MYH11: variants seen among roughly 807,000 people sequenced by gnomAD.
MYH11 encodes the protein myosin heavy chain 11.
MYH11 carries 80 observed loss-of-function variants against 246.6 expected under a neutral mutation model. The ratio of observed to expected loss-of-function variants is 0.32; its 90% CI spans 0.27 to 0.39. MYH11 has a LOEUF of 0.39. Among genes scored for constraint, MYH11 ranks in the 10% least tolerant of loss-of-function variants. The pLI is 1.00. For synonymous variants in MYH11, 1,071 were observed against 1,015.5 expected (o/e 1.05, Z -1.04); for missense variants, 2,158 against 2,546.8 (o/e 0.85, Z 3.29).
At chr16:15,846,054 A>T (rs1423816873) in intron 1 of MYH11, among the ~76,000 whole-genome samples, 1 of 152,100 alleles carries the variant, frequency 6.6e-6, no homozygotes. Context: ...AGCCGACATC[A>T]TACCACTACA....
intron 1 of MYH11, among the ~76,000 whole-genome samples, chr16:15,844,206 A>G (rs1218325075): frequency 6.6e-6 from 1 of 152,134 alleles, no homozygotes; most frequent in African/African-American, 2.4e-5. Flanking sequence ...ACAATGCAGT[A>G]AACTCCCAAA....
intron 5 of MYH11, 68 bp from the exon 6 acceptor site, chr16:15,782,545 A>T (rs964687236): frequency 2.3e-6 from 3 of 1,286,110 alleles, no homozygotes; most frequent in Non-Finnish European, 3.4e-6. Flanking sequence ...CCTTGGATGG[A>T]TGTTGTCACA....
At chr16:15,808,483 C>T (rs747298790) in intron 3 of MYH11, among the ~76,000 whole-genome samples, 2 of 152,206 alleles carry the variant, frequency 1.3e-5, no homozygotes, top group Non-Finnish European at 1.5e-5. Context: ...TTCATCTCCC[C>T]ACTCTACTCT....
chr16:15,837,051 C>G (rs2043916892), intron 2 of MYH11, among the ~76,000 whole-genome samples: 1 of 152,150 alleles, frequency 6.6e-6, no homozygotes, highest in Non-Finnish European at 1.5e-5. Context: ...TAATTTAAAT[C>G]TAAATTTAGT....
intron 5 of MYH11, among the ~76,000 whole-genome samples, chr16:15,784,326 G>A (rs1382740006): frequency 6.6e-6 from 1 of 152,148 alleles, no homozygotes; most frequent in Non-Finnish European, 1.5e-5. Context: ...GGGCCTGACA[G>A]TCCTAAAACA....
intron 13 of MYH11, 25 bp downstream of exon 13, chr16:15,757,802 C>A (rs1349157454): frequency 6.2e-7 from 1 of 1,614,016 alleles, no homozygotes; most frequent in African/African-American, 1.3e-5. Flanking sequence ...TGTGACGGAG[C>A]CCCGCACGCC....
At chr16:15,743,401 C>T (rs1353552251) in intron 20 of MYH11, among the ~76,000 whole-genome samples, 2 of 152,082 alleles carry the variant, frequency 1.3e-5, no homozygotes, top group Non-Finnish European at 2.9e-5. Context: ...ACTCGTGAAC[C>T]CAGGTGATCC....
rs2041095451 is a variant in MYH11, at chr16:15,735,611, C to T, written c.3294-33G>A. 1.9e-6 allele frequency: 3 copies of T among 1,612,430 alleles called. No individual in the cohort carries two copies. The East Asian group carries it at 6.7e-5, about 36-fold the overall frequency. ...GGAGAGACCCAGCAGAATGAACCCC[C>T]AGGTCCCTTGGTTTCCTCTCTTACA... On this transcript the variant is annotated intron_variant, in intron 25 of 40. Coordinates refer to ENST00000300036, the MANE Select transcript of MYH11 (RefSeq NM_002474.3).
intron 37 of MYH11, 98 bp downstream of exon 37, chr16:15,718,217 T>A: frequency 6.3e-7 from 1 of 1,586,440 alleles, no homozygotes; most frequent in Non-Finnish European, 8.5e-7. Context: ...ATCCAGGGCC[T>A]GCACACAGGA....
chr16:15,714,583 T>A (rs1320221652), intron 40 of MYH11: 1 of 484,450 alleles, frequency 2.1e-6, no homozygotes, highest in African/African-American at 1.9e-5. Context: ...ATGGATGTCG[T>A]GAAGACTCAG....
At position 15,750,054 on chromosome 16, in the gene MYH11, G is replaced by A. The variant is rs755901497; in HGVS notation, c.2058+84C>T. 2.1e-5 allele frequency: 32 copies of A among 1,549,776 alleles called. No individual in the cohort carries two copies. The highest frequency in any genetic ancestry group is 2.7e-5 in the Non-Finnish European group (30 of 1,129,904). ...AAATGGGGTCCTCGGGGTAGGTGGG[G>A]GCAGAGGGCGCCCTGGGGACGCTGT... On this transcript the variant is annotated intron_variant, in intron 16 of 40. Coordinates refer to ENST00000300036, the MANE Select transcript of MYH11 (RefSeq NM_002474.3). The surrounding 1 kb of genome is among the most constrained non-coding windows in gnomAD (Gnocchi z 4.3).
At chr16:15,718,574 A>G in intron 36 of MYH11, 136 bp from the exon 37 acceptor site, 1 of 1,303,766 alleles carries the variant, frequency 7.7e-7, no homozygotes, top group South Asian at 1.5e-5. Flanking sequence ...AGATTAGAAG[A>G]CTCATCTGTA....
At chr16:15,769,551 C>T (rs2042053398) in intron 9 of MYH11, among the ~76,000 whole-genome samples, 1 of 152,174 alleles carries the variant, frequency 6.6e-6, no homozygotes, top group Non-Finnish European at 1.5e-5. Context: ...GCCTCAGTCT[C>T]CCAAGTAGCT....
intron 9 of MYH11, among the ~76,000 whole-genome samples, chr16:15,766,449 A>G (rs1433977620): frequency 6.6e-6 from 1 of 150,574 alleles, no homozygotes; most frequent in Non-Finnish European, 1.5e-5. Flanking sequence ...GCTCACTGCA[A>G]CCTCTGCGCT....
At chr16:15,709,403 C>A (rs2039653964) in intron 40 of MYH11, among the ~76,000 whole-genome samples, 1 of 150,232 alleles carries the variant, frequency 6.7e-6, no homozygotes, top group Admixed American at 6.6e-5. Flanking sequence ...CAACCTCCAC[C>A]TCCCGGGTTC....
chr16:15,760,072 G>C (rs2041832963), intron 11 of MYH11, among the ~76,000 whole-genome samples: 1 of 151,558 alleles, frequency 6.6e-6, no homozygotes, highest in Admixed American at 6.6e-5. Flanking sequence ...ACCCCCCCCT[G>C]GGCAACAGAG....
At chr16:15,821,924 CA>C (rs35907978) in intron 3 of MYH11, among the ~76,000 whole-genome samples, 44,805 of 107,178 alleles carry the variant, frequency 0.42, 10,886 homozygotes, top group African/African-American at 0.62. Flanking sequence ...GACTCCGTCT[CA>C]AAAAAAAAAA....
chr16:15,852,187 C>T (rs2044347075), intron 1 of MYH11, among the ~76,000 whole-genome samples: 1 of 152,136 alleles, frequency 6.6e-6, no homozygotes, highest in Non-Finnish European at 1.5e-5. Flanking sequence ...TAACCAATGC[C>T]TGATGATGAG....
At chr16:15,782,576 A>T in intron 5 of MYH11, 99 bp from the exon 6 acceptor site, 1 of 889,690 alleles carries the variant, frequency 1.1e-6, no homozygotes, top group Admixed American at 1.9e-5. Context: ...CTTAACCCAC[A>T]GGTTCTCTCC....
Sources: gnomAD v4.1 joint callset for allele counts (sites outside exome capture counted in the v4.1 genomes callset) on GRCh38, gnomAD v4.1.1 for gene constraint, Gnocchi (gnomAD v3.1) non-coding constraint, MANE v1.5 for transcripts, NCBI Gene and HGNC (gene_info 2026-07-23, HGNC 2026-07-21) for gene names.